Variants in EPG5 observed in about 807,000 individuals in gnomAD.
EPG5 encodes ectopic P granules protein 5 homolog.
In EPG5, 159 loss-of-function variants were observed where a neutral mutation model predicts 302.7. The ratio of observed to expected loss-of-function variants is 0.53; its 90% CI spans 0.46 to 0.60. EPG5 has a LOEUF of 0.60. Ranked by LOEUF, EPG5 falls within the 20% of genes least tolerant of loss-of-function variation. The probability of loss-of-function intolerance (pLI) is 0.00; values close to 1 mark genes in which losing one functional copy is unlikely to be tolerated. For synonymous variants in EPG5, 1,158 were observed against 1,136.8 expected, an observed-to-expected ratio of 1.02 and a Z score of -0.37; for missense variants, 2,896 against 3,092.4, an observed-to-expected ratio of 0.94 and a Z score of 1.51.
At chr18:45,869,258 C>T (rs996870864) in intron 36 of EPG5, among the ~76,000 whole-genome samples, 4 of 152,092 alleles carry the variant, frequency 2.6e-5, no homozygotes, top group Admixed American at 6.5e-5. Context: ...GGTGATGATT[C>T]ATTTCTTGTC....
chr18:45,874,348 A>G (rs2048928529), intron 35 of EPG5, among the ~76,000 whole-genome samples: 1 of 152,206 alleles, frequency 6.6e-6, no homozygotes, highest in African/African-American at 2.4e-5. Context: ...GTTAAACAAA[A>G]AATAAAATCT....
chr18:45,866,708 A>C (rs900792260), intron 38 of EPG5, 90 bp downstream of exon 38: 1 of 972,354 alleles, frequency 1.0e-6, no homozygotes, highest in African/African-American at 1.6e-5. Context: ...TCTGCTGAGC[A>C]CTTCCTAGCT....
chr18:45,857,111 A>ATTTT (rs999877831), intron 42 of EPG5, among the ~76,000 whole-genome samples: 1 of 151,180 alleles, frequency 6.6e-6, no homozygotes, highest in Non-Finnish European at 1.5e-5. Context: ...TTATTTATTT[A>ATTTT]TTTATTTATT....
At position 45,867,739 on chromosome 18, in the gene EPG5, C is replaced by T. The variant is rs191824898; in HGVS notation, c.6235G>A (p.Gly2079Arg). 16 of 1,595,900 alleles carry T rather than the reference C, an allele frequency of 1.0e-5. No individual in the cohort carries two copies. The East Asian group carries it at 3.6e-4, about 36-fold the overall frequency. The change falls in exon 37 of 44, where the codon GGA (glycine) becomes AGA (arginine). Residue 2079 changes from glycine to arginine, a missense_variant. By Grantham distance (125) the Gly-to-Arg change is moderately radical. This residue lies in a region of EPG5 where 620 missense variants were observed against 704.2 expected (regional missense o/e 0.88). Transcript: ENST00000282041. ...AATAAGAAACAGCTCTTGGGGCTTC[C>T]TCGTTCCACCTAAAAGAAAATGAAT... ...LMEAFFKVER[G>R]SPKSCFLFLG...
intron 22 of EPG5, 33 bp downstream of exon 22, chr18:45,912,257 A>T (rs1483992535): frequency 1.3e-6 from 2 of 1,521,496 alleles, no homozygotes; most frequent in Non-Finnish European, 1.8e-6. Flanking sequence ...GCAGAAATGG[A>T]CTCACAGAAA....
intron 1 of EPG5, among the ~76,000 whole-genome samples, chr18:45,958,609 T>C (rs965324968): frequency 6.6e-6 from 1 of 152,204 alleles, no homozygotes; most frequent in Non-Finnish European, 1.5e-5. Context: ...GATATCCTCA[T>C]ATGAAAGAAT....
chr18:45,885,411 G>A (rs1363878333), intron 29 of EPG5, among the ~76,000 whole-genome samples: 3 of 152,062 alleles, frequency 2.0e-5, no homozygotes, highest in Non-Finnish European at 4.4e-5. Context: ...GGGGTACTTT[G>A]AATCCACAAA....
intron 22 of EPG5, among the ~76,000 whole-genome samples, chr18:45,911,712 C>G (rs1027795645): frequency 6.6e-6 from 1 of 152,176 alleles, no homozygotes; most frequent in Non-Finnish European, 1.5e-5. Context: ...GCTGGGATTA[C>G]AGGTGTGAGC....
chr18:45,829,176 C>A, the EPG5 span: 1 of 984,912 alleles, frequency 1.0e-6, no homozygotes. Flanking sequence ...GCCTCTCCAT[C>A]AGCTCAGGTA....
intron 25 of EPG5, 120 bp from the exon 26 acceptor site, chr18:45,901,287 G>T: frequency 1.2e-6 from 1 of 824,098 alleles, no homozygotes; most frequent in Non-Finnish European, 1.9e-6. Context: ...TACGATAGTT[G>T]AAGAGTTAAA....
intron 20 of EPG5, among the ~76,000 whole-genome samples, chr18:45,914,058 A>C (rs985558928): frequency 6.6e-6 from 1 of 152,242 alleles, no homozygotes; most frequent in African/African-American, 2.4e-5. Flanking sequence ...AGGCTACTTT[A>C]GTACAAGATG....
At chr18:45,841,978 C>T in the EPG5 span, 1 of 857,262 alleles carries the variant, frequency 1.2e-6, no homozygotes, top group East Asian at 2.6e-5. Flanking sequence ...CATCTCTGAG[C>T]CCTGCCGGTT....
At chr18:45,913,638 G>A (rs1430115401) in intron 21 of EPG5, 68 bp downstream of exon 21, 24 of 1,573,394 alleles carry the variant, frequency 1.5e-5, no homozygotes, top group African/African-American at 6.8e-5. Context: ...CAAAAGCTAC[G>A]GGTGAATCCA....
intron 24 of EPG5, 117 bp from the exon 25 acceptor site, chr18:45,904,234 A>G: frequency 2.7e-6 from 3 of 1,123,338 alleles, no homozygotes; most frequent in East Asian, 5.5e-5. Flanking sequence ...GTCTACTCCA[A>G]GTCCTCCACC....
intron 27 of EPG5, among the ~76,000 whole-genome samples, chr18:45,891,581 A>T (rs2049349646): frequency 6.6e-6 from 1 of 152,050 alleles, no homozygotes. Context: ...AGCACAGCAT[A>T]ACTCTGACAA....
rs78339727 is a variant in EPG5, at chr18:45,916,574, G to A, written c.3248C>T (p.Ser1083Leu). Residue 1083 changes from serine (S) to leucine (L), a missense_variant, in exon 18 of 44, where the codon TCG (serine) becomes TTG (leucine). Transcript: ENST00000282041. Reference protein sequence around the residue: ...YYLLKNEQFLSHLLLFLHLDS... With the variant: ...YYLLKNEQFLLHLLLFLHLDS... ...CAAGTGTAGGAACAAGAGGAGATGCGATAAAAACCTGCCAAGCACACAGGA... is the reference window on the plus strand; with the variant it reads ...CAAGTGTAGGAACAAGAGGAGATGCAATAAAAACCTGCCAAGCACACAGGA... 46,908 of 1,596,020 alleles carry A rather than the reference G, an allele frequency of 0.029. 880 individuals carry two copies. Among genetic ancestry groups the A allele is most frequent in the South Asian group, 0.048 (4,369 of 90,454 alleles).
At chr18:45,812,596 G>A in the EPG5 span, among the ~76,000 whole-genome samples, 1 of 152,108 alleles carries the variant, frequency 6.6e-6, no homozygotes, top group Non-Finnish European at 1.5e-5. Context: ...ACAGAACAGG[G>A]CCCTCAGAAA....
intron 2 of EPG5, chr18:45,953,376 A>G: frequency 2.0e-6 from 2 of 985,022 alleles, no homozygotes; most frequent in Non-Finnish European, 2.4e-6. Context: ...ACACTCCACC[A>G]GCTGTGTTCT....
chr18:45,915,960 CT>C, intron 19 of EPG5, 48 bp downstream of exon 19: 3 of 1,499,158 alleles, frequency 2.0e-6, no homozygotes, highest in Non-Finnish European at 1.8e-6. Context: ...TAGAAAGCTA[CT>C]TTATCTAGCC....
Sources: allele counts gnomAD v4.1 joint callset (sites outside exome capture counted in the v4.1 genomes callset), GRCh38; gene constraint gnomAD v4.1.1; regional missense constraint gnomAD v4.1.1; transcripts MANE v1.5; gene names NCBI Gene and HGNC (gene_info 2026-07-23, HGNC 2026-07-21).